Variants in WWOX observed in about 807,000 individuals in gnomAD.
The protein encoded by WWOX is WW domain-containing oxidoreductase.
In WWOX, 69 loss-of-function variants were observed where a neutral mutation model predicts 46.2. The ratio of observed to expected loss-of-function variants is 1.49; its 90% confidence interval spans 1.23 to 1.82. The LOEUF (loss-of-function observed/expected upper bound fraction) is 1.82. Among genes scored for constraint, WWOX ranks in the 40% most tolerant of loss-of-function variants. The probability of loss-of-function intolerance (pLI) is 0.00; values close to 1 mark genes in which losing one functional copy is unlikely to be tolerated. For synonymous variants in WWOX, 359 were observed against 202.6 expected, an observed-to-expected ratio of 1.77 and a Z score of -6.56; for missense variants, 919 against 542.6, an observed-to-expected ratio of 1.69 and a Z score of -6.89.
chr16:78,371,684 T>A (rs993011738), intron 5 of WWOX, among the ~76,000 whole-genome samples: 14 of 152,212 alleles, frequency 9.2e-5, no homozygotes, highest in African/African-American at 3.4e-4. Flanking sequence ...CATTTTTATC[T>A]TTAGTGTTTA....
intron 8 of WWOX, among the ~76,000 whole-genome samples, chr16:79,175,159 T>C (rs1490015591): frequency 6.6e-6 from 1 of 152,230 alleles, no homozygotes; most frequent in African/African-American, 2.4e-5. Context: ...TGAACAACTC[T>C]GCCTTAATGG....
At chr16:78,635,977 G>A (rs781185595) in intron 8 of WWOX, among the ~76,000 whole-genome samples, 27 of 152,092 alleles carry the variant, frequency 1.8e-4, no homozygotes, top group Non-Finnish European at 2.6e-4. Context: ...CTAATTGCAC[G>A]GTTAATACAA....
chr16:78,419,625 C>CAAAAAAAAAAAAAAAAAAAAAAAA (rs60762734), intron 6 of WWOX, among the ~76,000 whole-genome samples: 6 of 44,676 alleles, frequency 1.3e-4, no homozygotes, highest in African/African-American at 3.6e-4. Flanking sequence ...CAAAAAATAG[C>CAAAAAAAAAAAAAAAAAAAAAAAA]AAAAAAAAAA....
intron 8 of WWOX, among the ~76,000 whole-genome samples, chr16:79,060,995 C>T (rs28735407): frequency 0.03 from 4,613 of 152,266 alleles, 199 homozygotes; most frequent in African/African-American, 0.1. Flanking sequence ...CTGAAGCTTG[C>T]ACAGCTAGTA....
At chr16:78,515,396 C>G (rs1467302287) in intron 8 of WWOX, among the ~76,000 whole-genome samples, 3 of 152,074 alleles carry the variant, frequency 2.0e-5, no homozygotes, top group Non-Finnish European at 4.4e-5. Flanking sequence ...TTAACTAACA[C>G]TTAAGGAATT....
chr16:78,571,952 A>C (rs1315754286), intron 8 of WWOX, among the ~76,000 whole-genome samples: 1 of 152,218 alleles, frequency 6.6e-6, no homozygotes, highest in African/African-American at 2.4e-5. Context: ...AGGTCATAAC[A>C]AGCACTGGAA....
chr16:78,314,688 G>GTTTTT (rs375905643), intron 5 of WWOX, among the ~76,000 whole-genome samples: 20 of 90,472 alleles, frequency 2.2e-4, no homozygotes, highest in African/African-American at 6.9e-4. Flanking sequence ...CCCTGCAGGG[G>GTTTTT]TTTTTTTTTT....
At chr16:78,896,753 A>G (rs190446826) in intron 8 of WWOX, 1 of 135,400 alleles carries the variant, frequency 7.4e-6, no homozygotes, top group Non-Finnish European at 1.6e-5. Context: ...CTCTTCACAG[A>G]AGTGTGTGTG....
chr16:79,114,916 A>G (rs1398038761), intron 8 of WWOX, among the ~76,000 whole-genome samples: 1 of 152,236 alleles, frequency 6.6e-6, no homozygotes, highest in Non-Finnish European at 1.5e-5. Flanking sequence ...ACACAGAGGC[A>G]GGAGCCGGGG....
chr16:78,648,416 T>C (rs912757451), intron 8 of WWOX, among the ~76,000 whole-genome samples: 1 of 152,124 alleles, frequency 6.6e-6, no homozygotes, highest in African/African-American at 2.4e-5. Context: ...TTGCAGATGG[T>C]TGTAAGGTAA....
At chr16:78,568,457 TA>T (rs1297929253) in intron 8 of WWOX, among the ~76,000 whole-genome samples, 4 of 149,854 alleles carry the variant, frequency 2.7e-5, no homozygotes, top group African/African-American at 4.9e-5. Flanking sequence ...TTCTTTTTTT[TA>T]AAAAAAAGCT....
Position 78,099,721 on chromosome 16 carries a change from C to A in WWOX, c.-58C>A. The A allele has an allele frequency of 6.7e-7, 1 of 1,503,134 alleles. No homozygotes were observed. Among genetic ancestry groups the A allele is most frequent in the Non-Finnish European group, 8.9e-7 (1 of 1,126,390 alleles). 93.1% of individuals were successfully genotyped at this position (1,503,134 alleles called of 1,614,324 possible). ...TCTCGTTTGGAGCGGGAGTGAGTTCCTGAGCGAGTGGACCCGGCAGCGGGC... is the reference window on the plus strand; with the variant it reads ...TCTCGTTTGGAGCGGGAGTGAGTTCATGAGCGAGTGGACCCGGCAGCGGGC... On this transcript the variant is annotated 5_prime_UTR_variant, in exon 1 of 9. In the 5' UTR this introduces an upstream ATG that the reference lacks. Transcript: ENST00000566780.
chr16:78,396,960 C>T (rs1458708008), intron 6 of WWOX, among the ~76,000 whole-genome samples: 2 of 152,124 alleles, frequency 1.3e-5, no homozygotes, highest in African/African-American at 2.4e-5. Context: ...GGCCCAGAGA[C>T]CCTTTAAATG....
At chr16:78,728,703 A>G (rs577537961) in intron 8 of WWOX, among the ~76,000 whole-genome samples, 23 of 152,322 alleles carry the variant, frequency 1.5e-4, no homozygotes, top group African/African-American at 5.5e-4. Flanking sequence ...CATGATCTGT[A>G]TAGCCTTTTC....
chr16:78,115,738 G>C (rs1174588450), intron 4 of WWOX, among the ~76,000 whole-genome samples: 1 of 152,148 alleles, frequency 6.6e-6, no homozygotes, highest in Non-Finnish European at 1.5e-5. Context: ...GGGCCATTAA[G>C]GAGACAGGAG....
chr16:79,089,590 A>T (rs73575140), intron 8 of WWOX, among the ~76,000 whole-genome samples: 2,926 of 152,196 alleles, frequency 0.019, 110 homozygotes, highest in African/African-American at 0.065. Context: ...TCAAAGTCCC[A>T]ACGTGCTGGG....
intron 8 of WWOX, among the ~76,000 whole-genome samples, chr16:78,722,189 C>G (rs1000894240): frequency 6.6e-6 from 1 of 152,176 alleles, no homozygotes; most frequent in African/African-American, 2.4e-5. Flanking sequence ...GTAGAGGACA[C>G]CAAGGCACGA....
At chr16:78,177,706 T>C (rs1271202198) in intron 5 of WWOX, among the ~76,000 whole-genome samples, 1 of 152,180 alleles carries the variant, frequency 6.6e-6, no homozygotes, top group African/African-American at 2.4e-5. Flanking sequence ...CTGGCAGCCA[T>C]CACTGGCTGA....
At chr16:79,045,780 C>CTT (rs770463813) in intron 8 of WWOX, among the ~76,000 whole-genome samples, 13 of 54,228 alleles carry the variant, frequency 2.4e-4, no homozygotes, top group African/African-American at 3.8e-4. Context: ...TTTTCTTTTC[C>CTT]TTTTTTTTTT....
Sources: allele counts gnomAD v4.1 joint callset (sites outside exome capture counted in the v4.1 genomes callset), GRCh38; gene constraint gnomAD v4.1.1; transcripts MANE v1.5; gene names NCBI Gene and HGNC (gene_info 2026-07-23, HGNC 2026-07-21).